TBC1D5: variants seen among roughly 807,000 people sequenced by gnomAD.
TBC1D5 encodes TBC1 domain family, member 5.
TBC1D5 carries 75 observed loss-of-function variants against 100.3 expected under a neutral mutation model. The ratio of observed to expected loss-of-function variants is 0.75; its 90% CI spans 0.62 to 0.91. The LOEUF (loss-of-function observed/expected upper bound fraction) is 0.91. TBC1D5 is among the 40% of genes least tolerant of loss of function. The probability of loss-of-function intolerance (pLI) is 0.00; values close to 1 mark genes in which losing one functional copy is unlikely to be tolerated. For missense variants in TBC1D5, 910 were observed against 942.4 expected (o/e 0.97, Z 0.45); for synonymous variants, 323 against 325.6 (o/e 0.99, Z 0.09).
intron 17 of TBC1D5, among the ~76,000 whole-genome samples, chr3:17,219,563 A>G (rs2074050760): frequency 6.6e-6 from 1 of 151,636 alleles, no homozygotes; most frequent in South Asian, 2.1e-4. Context: ...ATCAGATCCT[A>G]TTCCACCATC....
intron 19 of TBC1D5, among the ~76,000 whole-genome samples, chr3:17,168,468 C>T (rs186029503): frequency 9.9e-5 from 15 of 152,218 alleles, no homozygotes; most frequent in African/African-American, 2.2e-4. Flanking sequence ...GACCATCAGG[C>T]GCAGCATCAC....
chr3:17,271,399 G>A (rs1218688386), intron 15 of TBC1D5, among the ~76,000 whole-genome samples: 1 of 152,010 alleles, frequency 6.6e-6, no homozygotes, highest in Non-Finnish European at 1.5e-5. Context: ...TCTTGATTTC[G>A]TTCTCAGCTT....
chr3:17,727,007 T>A (rs1464101552), intron 1 of TBC1D5, among the ~76,000 whole-genome samples: 1 of 152,150 alleles, frequency 6.6e-6, no homozygotes, highest in Non-Finnish European at 1.5e-5. Flanking sequence ...GATTCTGAAA[T>A]TAAGTCTTCA....
chr3:17,275,151 A>G (rs549691106), intron 15 of TBC1D5, among the ~76,000 whole-genome samples: 1 of 152,334 alleles, frequency 6.6e-6, no homozygotes, highest in African/African-American at 2.4e-5. Context: ...AATAACAATG[A>G]GAAGTAAATC....
intron 2 of TBC1D5, among the ~76,000 whole-genome samples, chr3:17,561,611 C>A (rs1247284848): frequency 6.6e-6 from 1 of 151,962 alleles, no homozygotes; most frequent in Non-Finnish European, 1.5e-5. Context: ...TAATACCAGG[C>A]CTCAATAAGA....
At position 17,610,503 on chromosome 3, in the gene TBC1D5, A is replaced by G. The variant is rs62248276; in HGVS notation, c.-36+13346T>C. Among the ~76,000 whole-genome samples the G allele has an allele frequency of 1.1e-4, 16 of 152,244 alleles. 1 individual carries two copies. In the East Asian group the frequency reaches 2.9e-3, roughly 28 times the overall value. Reference sequence around the variant, plus strand: ...CGCCCAGCCTCTTCCCACTTTTTCAATCTCATTAAGTGCTGCAAAAGTAAT... The same window carrying G: ...CGCCCAGCCTCTTCCCACTTTTTCAGTCTCATTAAGTGCTGCAAAAGTAAT... On this transcript the variant is annotated intron_variant, in intron 2 of 21. Transcript: ENST00000253692.
chr3:17,651,132 T>A (rs369055970), intron 1 of TBC1D5, among the ~76,000 whole-genome samples: 2 of 152,140 alleles, frequency 1.3e-5, no homozygotes, highest in African/African-American at 4.8e-5. Context: ...TAAAAGTGAG[T>A]TCTCTCATTT....
At chr3:17,455,508 GTGTGTATATATATATATATATA>G (rs1559924971) in intron 3 of TBC1D5, among the ~76,000 whole-genome samples, 241 of 126,178 alleles carry the variant, frequency 1.9e-3, no homozygotes, top group African/African-American at 7.7e-3. Context: ...ATATATGTGT[GTGTGTATATATATATATATATA>G]TGTGTGTGTG....
intron 3 of TBC1D5, among the ~76,000 whole-genome samples, chr3:17,435,578 G>A (rs1370881354): frequency 2.0e-5 from 3 of 152,156 alleles, no homozygotes; most frequent in Non-Finnish European, 4.4e-5. Context: ...CAGCATGGGG[G>A]TAACTGCCCC....
At chr3:17,489,491 C>G (rs933256413) in intron 3 of TBC1D5, among the ~76,000 whole-genome samples, 1 of 152,170 alleles carries the variant, frequency 6.6e-6, no homozygotes, top group Non-Finnish European at 1.5e-5. Flanking sequence ...GCTGTCACTA[C>G]CCCCAAGCCT....
chr3:17,191,665 G>A (rs1001225932), intron 18 of TBC1D5, among the ~76,000 whole-genome samples: 34 of 152,068 alleles, frequency 2.2e-4, no homozygotes, highest in Non-Finnish European at 4.0e-4. Context: ...TGCCCAGGCT[G>A]GAGTGCAGTG....
At chr3:17,327,150 CTGTTA>C (rs990312337) in intron 13 of TBC1D5, among the ~76,000 whole-genome samples, 2 of 152,176 alleles carry the variant, frequency 1.3e-5, no homozygotes, top group Non-Finnish European at 2.9e-5. Context: ...AATACCACTA[CTGTTA>C]TATTATGGCA....
intron 16 of TBC1D5, among the ~76,000 whole-genome samples, chr3:17,256,272 A>G (rs908375524): frequency 2.0e-5 from 3 of 151,902 alleles, no homozygotes; most frequent in Admixed American, 6.6e-5. Flanking sequence ...TTCTGCTTCA[A>G]TTACTACATT....
rs11916993 is a variant in TBC1D5, at chr3:17,577,100, T to A, written c.-36+46749A>T. Among the ~76,000 whole-genome samples, 811 of 152,050 alleles carry A rather than the reference T, an allele frequency of 5.3e-3. 11 individuals are homozygous for A. The highest frequency in any genetic ancestry group is 0.019 in the African/African-American group (780 of 41,524). On this transcript the variant is annotated intron_variant, in intron 2 of 21. Coordinates refer to ENST00000253692, the Ensembl canonical transcript of TBC1D5. ...GTCAAGAGTAAAAGGCTATTATATG[T>A]ACAACCCATTGAAAGTGGGGGTGGG... is the stretch of plus-strand genomic sequence containing the variant.
intron 2 of TBC1D5, among the ~76,000 whole-genome samples, chr3:17,597,943 A>C (rs1197523200): frequency 1.3e-5 from 2 of 152,178 alleles, no homozygotes; most frequent in African/African-American, 4.8e-5. Flanking sequence ...TATAGGCTCA[A>C]GCTCTGGATA....
chr3:17,602,421 AG>A (rs1464315982), intron 2 of TBC1D5, among the ~76,000 whole-genome samples: 15 of 152,168 alleles, frequency 9.9e-5, no homozygotes, highest in Admixed American at 9.8e-4. Flanking sequence ...ACTAAAAGAA[AG>A]CTCTCTCTGA....
At chr3:17,376,386 C>T in intron 10 of TBC1D5, 139 bp downstream of exon 10, 2 of 694,412 alleles carry the variant, frequency 2.9e-6, no homozygotes, top group Non-Finnish European at 2.3e-6. Flanking sequence ...TAACAATTAA[C>T]CACATGAAAC....
chr3:17,703,826 T>A (rs1225408260), intron 1 of TBC1D5, among the ~76,000 whole-genome samples: 3 of 152,158 alleles, frequency 2.0e-5, no homozygotes, highest in African/African-American at 7.2e-5. Context: ...TTAAAATAAT[T>A]GTGCTAATTC....
At chr3:17,319,071 T>C (rs913727093) in intron 13 of TBC1D5, among the ~76,000 whole-genome samples, 3 of 152,202 alleles carry the variant, frequency 2.0e-5, no homozygotes, top group East Asian at 1.9e-4. Flanking sequence ...AGGTCTAGAA[T>C]TGTATTTCGG....
Sources: allele counts gnomAD v4.1 joint callset (sites outside exome capture counted in the v4.1 genomes callset), GRCh38; gene constraint gnomAD v4.1.1; transcripts MANE v1.5; gene names NCBI Gene and HGNC (gene_info 2026-07-23, HGNC 2026-07-21).